Variants in MARCHF1 observed in about 807,000 individuals in gnomAD.
MARCHF1 encodes membrane associated ring-CH-type finger 1, also known as E3 ubiquitin-protein ligase MARCHF1.
MARCHF1 carries 40 observed loss-of-function variants against 54.2 expected under a neutral mutation model. The observed-to-expected ratio is 0.74, with a 90% CI of 0.57 to 0.96. MARCHF1 has a LOEUF of 0.96. Among genes scored for constraint, MARCHF1 ranks in the 40% least tolerant of loss-of-function variants. The pLI is 0.00. For missense variants in MARCHF1, 586 were observed against 656.5 expected (o/e 0.89, Z 1.17); for synonymous variants, 236 against 236.3 (o/e 1.00, Z 0.01).
At chr4:164,089,784 G>A (rs1416176125) in intron 2 of MARCHF1, among the ~76,000 whole-genome samples, 1 of 151,932 alleles carries the variant, frequency 6.6e-6, no homozygotes, top group Admixed American at 6.6e-5. Flanking sequence ...AGATAAGTAA[G>A]TAGTTATGAC....
At chr4:164,271,170 T>C (rs1379444223) in intron 1 of MARCHF1, among the ~76,000 whole-genome samples, 1 of 152,134 alleles carries the variant, frequency 6.6e-6, no homozygotes, top group East Asian at 1.9e-4. Flanking sequence ...CCCTCAAAGA[T>C]GCCCATGCCT....
At chr4:163,763,893 G>GT (rs908937161) in intron 4 of MARCHF1, among the ~76,000 whole-genome samples, 4 of 152,010 alleles carry the variant, frequency 2.6e-5, no homozygotes, top group African/African-American at 4.8e-5. Context: ...GTAAATGTGT[G>GT]TTTTTTTGAT....
chr4:164,041,229 A>G (rs1332035589), intron 2 of MARCHF1, among the ~76,000 whole-genome samples: 2 of 152,138 alleles, frequency 1.3e-5, no homozygotes, highest in Non-Finnish European at 2.9e-5. Context: ...ATAGGTCAAC[A>G]AGAATATTTA....
At chr4:164,325,010 AAG>A (rs1409660255) in intron 1 of MARCHF1, among the ~76,000 whole-genome samples, 2 of 152,020 alleles carry the variant, frequency 1.3e-5, no homozygotes, top group African/African-American at 4.8e-5. Context: ...AAAGGAAAAA[AAG>A]AATATCGAGA....
At chr4:164,045,598 T>C (rs1289759498) in intron 2 of MARCHF1, among the ~76,000 whole-genome samples, 1 of 151,798 alleles carries the variant, frequency 6.6e-6, no homozygotes, top group Non-Finnish European at 1.5e-5. Context: ...CAGATTTAGT[T>C]TAGCTTAGGT....
intron 1 of MARCHF1, among the ~76,000 whole-genome samples, chr4:164,365,466 T>C (rs773920079): frequency 6.6e-6 from 1 of 152,030 alleles, no homozygotes; most frequent in African/African-American, 2.4e-5. Context: ...TAACTGTAGA[T>C]TGTGTTAAGA....
chr4:164,052,848 T>C (rs529809155), intron 2 of MARCHF1, among the ~76,000 whole-genome samples: 6 of 152,250 alleles, frequency 3.9e-5, no homozygotes, highest in African/African-American at 1.4e-4. Context: ...TTAGGAGACT[T>C]AGAATCGAGG....
intron 4 of MARCHF1, among the ~76,000 whole-genome samples, chr4:163,788,957 TAA>T (rs1747695465): frequency 6.6e-6 from 1 of 152,062 alleles, no homozygotes; most frequent in Non-Finnish European, 1.5e-5. Context: ...TGTTTCTCCA[TAA>T]AGTTTTTTCC....
chr4:163,831,591 TAATC>T (rs750837181), intron 4 of MARCHF1, among the ~76,000 whole-genome samples: 9 of 150,486 alleles, frequency 6.0e-5, no homozygotes, highest in Admixed American at 5.3e-4. Context: ...CTGTTAAAAT[TAATC>T]AATTAAATTT....
chr4:164,172,678 T>G (rs1423872609), intron 1 of MARCHF1, among the ~76,000 whole-genome samples: 1 of 152,140 alleles, frequency 6.6e-6, no homozygotes, highest in Non-Finnish European at 1.5e-5. Context: ...AAAAGGACAC[T>G]TTAAAAAAGT....
chr4:164,244,132 A>T (rs1278601871), intron 1 of MARCHF1, among the ~76,000 whole-genome samples: 1 of 151,956 alleles, frequency 6.6e-6, no homozygotes, highest in African/African-American at 2.4e-5. Context: ...AGAACTCTCC[A>T]CCCCAAATCA....
intron 5 of MARCHF1, among the ~76,000 whole-genome samples, chr4:163,634,735 C>T (rs1395669076): frequency 6.7e-6 from 1 of 149,452 alleles, no homozygotes. Flanking sequence ...CTCAGCTCTG[C>T]ACCAAGCGGA....
chr4:163,808,836 C>T (rs2172687), intron 4 of MARCHF1, among the ~76,000 whole-genome samples: 132,928 of 152,152 alleles, frequency 0.87, 59,338 homozygotes, highest in South Asian at 0.98. Flanking sequence ...CCCAAAGTGC[C>T]GGGATTACAG....
chr4:163,774,416 T>G (rs993567756), intron 4 of MARCHF1, among the ~76,000 whole-genome samples: 1 of 151,740 alleles, frequency 6.6e-6, no homozygotes, highest in Non-Finnish European at 1.5e-5. Context: ...ACATGTGATC[T>G]CAAGAAAAAT....
At chr4:164,273,479 G>T (rs1301001578) in intron 1 of MARCHF1, among the ~76,000 whole-genome samples, 4 of 152,050 alleles carry the variant, frequency 2.6e-5, no homozygotes, top group African/African-American at 9.7e-5. Flanking sequence ...ATATCAGTAG[G>T]CATGTGTTGA....
At chr4:163,881,561 T>C (rs540068936) in intron 3 of MARCHF1, among the ~76,000 whole-genome samples, 2 of 152,306 alleles carry the variant, frequency 1.3e-5, no homozygotes, top group South Asian at 2.1e-4. Flanking sequence ...GAAGTAATTA[T>C]GACATGTTTC....
chr4:164,050,275 CAAAAAAAAAAAAAAAAAA>C lies in MARCHF1; in HGVS notation c.-248+61295_-248+61312del, dbSNP rs34642436. Among the ~76,000 whole-genome samples the C allele has an allele frequency of 1.2e-4, 5 of 40,164 alleles. 1 individual carries two copies. The Admixed American group carries it at 2.0e-3, about 16-fold the overall frequency. The allele number at this position is 40,164 out of a possible 152,430, so 26.3% of individuals were successfully genotyped here. A position where few individuals can be genotyped will look rare whatever the true frequency, so the allele number is the denominator to read the frequency against. ...GGGCGACGGAGCGAGACACTGTCTC[CAAAAAAAAAAAAAAAAAA>C]AAAAAAAAAAAAGGCCCTAGCTTTT... On this transcript the variant is annotated intron_variant, in intron 2 of 9. Coordinates refer to ENST00000514618, the MANE Select transcript of MARCHF1 (RefSeq NM_001394959.1).
intron 1 of MARCHF1, among the ~76,000 whole-genome samples, chr4:164,304,175 G>T (rs983271523): frequency 6.6e-6 from 1 of 152,150 alleles, no homozygotes; most frequent in Non-Finnish European, 1.5e-5. Context: ...CAGAAACTAT[G>T]TTACATGATT....
chr4:164,237,430 A>G (rs570456359), intron 1 of MARCHF1, among the ~76,000 whole-genome samples: 2 of 152,100 alleles, frequency 1.3e-5, no homozygotes, highest in Admixed American at 6.6e-5. Flanking sequence ...TGCTAACACA[A>G]TCCTTTCTCT....
Sources: gnomAD v4.1 joint callset for allele counts (sites outside exome capture counted in the v4.1 genomes callset) on GRCh38, gnomAD v4.1.1 for gene constraint, MANE v1.5 for transcripts, NCBI Gene and HGNC (gene_info 2026-07-23, HGNC 2026-07-21) for gene names.